PTGIR: variants seen among roughly 807,000 people sequenced by gnomAD.
PTGIR encodes the protein prostacyclin receptor.
In PTGIR, 16 loss-of-function variants were observed where a neutral mutation model predicts 17.6. The observed-to-expected ratio is 0.91, with a 90% CI of 0.61 to 1.38. The LOEUF (loss-of-function observed/expected upper bound fraction) is 1.38. Ranked by LOEUF, PTGIR falls within the 40% of genes most tolerant of loss-of-function variation. PTGIR has a pLI of 0.00. For missense variants in PTGIR, 532 were observed against 548.6 expected, an observed-to-expected ratio of 0.97 and a Z score of 0.30; for synonymous variants, 274 against 255.4, an observed-to-expected ratio of 1.07 and a Z score of -0.69.
chr19:46,611,074 G>C, the PTGIR span, among the ~76,000 whole-genome samples: 1 of 152,212 alleles, frequency 6.6e-6, no homozygotes, highest in African/African-American at 2.4e-5. Flanking sequence ...TCATGCCATG[G>C]GAGCACACAG....
the PTGIR span, among the ~76,000 whole-genome samples, chr19:46,611,736 C>G: frequency 1.3e-5 from 2 of 152,184 alleles, no homozygotes; most frequent in Admixed American, 1.3e-4. Context: ...GCAAGACCCT[C>G]CCATTCCAGT....
rs201265274 is a variant in PTGIR, at chr19:46,623,901, T to A, written c.325A>T (p.Ile109Phe). The A allele has an allele frequency of 5.6e-6, 9 of 1,609,734 alleles. 1 individual carries two copies. In the South Asian group the frequency reaches 8.8e-5, roughly 16 times the overall value. Residue 109 changes from isoleucine (I) to phenylalanine (F), a missense_variant, in exon 2 of 3, where the codon ATC becomes TTC. Transcript: ENST00000291294. ...CGCTCCACGGCCATGGCAAAGAGGA[T>A]GAGCATGGACGCCAGGCCGAAGAAG... ...MTFFGLASML[I>F]LFAMAVERCL...
chr19:46,613,410 C>T, the PTGIR span, among the ~76,000 whole-genome samples: 1 of 143,376 alleles, frequency 7.0e-6, no homozygotes, highest in African/African-American at 2.6e-5. Context: ...CATCTCGGCT[C>T]ACTGCAACTT....
chr19:46,624,190 C>CCG lies in PTGIR; in HGVS notation c.34_35dup (p.Ser14AlafsTer10). 1 of 1,476,110 alleles carries CCG rather than the reference C, an allele frequency of 6.8e-7. No homozygotes were observed. The highest frequency in any genetic ancestry group is 8.9e-7 in the Non-Finnish European group (1 of 1,120,834). 91.4% of individuals were successfully genotyped at this position (1,476,110 alleles called of 1,614,324 possible). ...TGCTGGTGGCCGGCCCCACCGAGCCCCGCACGTAGGTGAGGTTCCTGCACG... is the reference window on the plus strand; with the variant it reads ...TGCTGGTGGCCGGCCCCACCGAGCCCCGCGCACGTAGGTGAGGTTCCTGCACG... On this transcript the variant is annotated frameshift_variant, in exon 2 of 3. Coordinates refer to ENST00000291294, the MANE Select transcript of PTGIR (RefSeq NM_000960.4). LOFTEE classifies it high-confidence loss of function.
At chr19:46,620,021 A>G (rs901499652), downstream of PTGIR, among the ~76,000 whole-genome samples, 7 of 152,184 alleles carry the variant, frequency 4.6e-5, no homozygotes, top group Admixed American at 4.6e-4. Flanking sequence ...GCTGGAAATC[A>G]CCCCGGCAGG....
chr19:46,619,541 GAA>G (rs1323019623), downstream of PTGIR, among the ~76,000 whole-genome samples: 46 of 59,030 alleles, frequency 7.8e-4, no homozygotes, highest in South Asian at 1.3e-3. Flanking sequence ...AAGAAAGAAA[GAA>G]AGAAAGAGAG....
Position 46,620,639 on chromosome 19 carries a change from T to A in PTGIR, c.*641A>T. 1 of 985,426 alleles carries A rather than the reference T, an allele frequency of 1.0e-6. No individual in the cohort carries two copies. The highest frequency in any genetic ancestry group is 1.2e-6 in the Non-Finnish European group (1 of 829,850). 61.0% of individuals were successfully genotyped at this position (985,426 alleles called of 1,614,324 possible). A position where few individuals can be genotyped will look rare whatever the true frequency, so the allele number is the denominator to read the frequency against. ...CCCCCAGTTCTCATCTTGCAGCCAG[T>A]CAAGCTAGGTGGAATGTCTCAGGCC... is the stretch of plus-strand genomic sequence containing the variant. On this transcript the variant is annotated 3_prime_UTR_variant, in exon 3 of 3. Coordinates refer to ENST00000291294, the MANE Select transcript of PTGIR (RefSeq NM_000960.4).
Position 46,621,072 on chromosome 19 carries a change from T to G in PTGIR, c.*208A>C. ...CTGGTTATTTTGAGAGAACCATTCT[T>G]TCTGCACTCCAGGATAAACGTTTCC... On this transcript the variant is annotated 3_prime_UTR_variant, in exon 3 of 3. Coordinates refer to ENST00000291294, the MANE Select transcript of PTGIR (RefSeq NM_000960.4). The surrounding 1 kb of genome is among the most constrained non-coding windows in gnomAD (Gnocchi z 4.8). 8.0e-7 allele frequency: 1 copy of G among 1,255,578 alleles called. No homozygotes were observed. Among genetic ancestry groups the G allele is most frequent in the Non-Finnish European group, 1.0e-6 (1 of 1,001,344 alleles). The allele number at this position is 1,255,578 out of a possible 1,614,324, so 77.8% of individuals were successfully genotyped here.
In PTGIR at chr19:46,621,905, C is replaced by A; in HGVS notation, c.769-233G>T. Reference sequence around the variant, plus strand: ...GGATGGGGGCCAGGTATGTGGGTCCCCCCACCCTTGGAAGCTGGGAGGACC... The same window carrying A: ...GGATGGGGGCCAGGTATGTGGGTCCACCCACCCTTGGAAGCTGGGAGGACC... On this transcript the variant is annotated intron_variant, in intron 2 of 2. Transcript: ENST00000291294. The surrounding 1 kb of genome is among the most constrained non-coding windows in gnomAD (Gnocchi z 4.8). The A allele has an allele frequency of 7.6e-7, 1 of 1,318,588 alleles. No homozygotes were observed. Among genetic ancestry groups the A allele is most frequent in the Non-Finnish European group, 9.7e-7 (1 of 1,036,158 alleles). 81.7% of individuals were successfully genotyped at this position (1,318,588 alleles called of 1,614,324 possible).
At chr19:46,614,753 G>A in the PTGIR span, among the ~76,000 whole-genome samples, 1 of 152,060 alleles carries the variant, frequency 6.6e-6, no homozygotes, top group African/African-American at 2.4e-5. Flanking sequence ...GGGAGCGGTG[G>A]CTCACGCTTC....
At chr19:46,613,113 G>A in the PTGIR span, among the ~76,000 whole-genome samples, 3 of 126,568 alleles carry the variant, frequency 2.4e-5, no homozygotes, top group Admixed American at 2.1e-4. Context: ...GCATGATCTC[G>A]GTTCACTGCA....
At chr19:46,619,140 C>T (rs561469960), downstream of PTGIR, among the ~76,000 whole-genome samples, 11 of 152,232 alleles carry the variant, frequency 7.2e-5, no homozygotes, top group East Asian at 9.7e-4. Flanking sequence ...CACGCCCACT[C>T]GCTGTGTGAG....
At chr19:46,615,739 C>T (rs571391458), downstream of PTGIR, among the ~76,000 whole-genome samples, 98 of 152,008 alleles carry the variant, frequency 6.4e-4, no homozygotes, top group Admixed American at 3.3e-3. Context: ...ATCTCCTGAC[C>T]TCATGATCCA....
At chr19:46,619,572 AGAGAGAG>A (rs1568675632), downstream of PTGIR, among the ~76,000 whole-genome samples, 77 of 139,960 alleles carry the variant, frequency 5.5e-4, no homozygotes, top group African/African-American at 1.2e-3. Context: ...AGAGAGAGAG[AGAGAGAG>A]AGAGAAAGAA....
the PTGIR span, among the ~76,000 whole-genome samples, chr19:46,613,076 T>C: frequency 1.5e-4 from 20 of 136,856 alleles, 1 homozygote; most frequent in African/African-American, 5.4e-4. Context: ...GGAGTCTCAC[T>C]CTTGTCTCCC....
the PTGIR span, among the ~76,000 whole-genome samples, chr19:46,615,422 C>T: frequency 6.6e-6 from 1 of 152,110 alleles, no homozygotes; most frequent in Admixed American, 6.5e-5. Flanking sequence ...CCTAGGATAC[C>T]GAGGGATGAC....
At position 46,624,147 on chromosome 19, in the gene PTGIR, C is replaced by T. The variant is rs75149836; in HGVS notation, c.79G>A (p.Gly27Ser). The T allele has an allele frequency of 1.2e-5, 18 of 1,526,296 alleles. No individual in the cohort carries two copies. The East Asian group carries it at 1.5e-4, about 13-fold the overall frequency. The allele number at this position is 1,526,296 out of a possible 1,614,324, so 94.5% of individuals were successfully genotyped here. Residue 27 changes from glycine to serine, a missense_variant, in exon 2 of 3, where the codon GGT becomes AGT. Gly to Ser is a moderately conservative substitution (Grantham distance 56). Transcript: ENST00000291294. ...PATSTLMFVA[G>S]VVGNGLALGI... ...AGGGCCAGCCCGTTGCCCACCACAC[C>T]GGCCACGAACATCAGGGTGCTGGTG...
At position 46,624,233 on chromosome 19, in the gene PTGIR, C is replaced by G; in HGVS notation, c.-8G>C. ...CCTGCACGAATCCGCCATCCCAGGT[C>G]TGGGCTGGAGGGTTCCCAAGGTGGG... On this transcript the variant is annotated 5_prime_UTR_variant, in exon 2 of 3. Transcript: ENST00000291294. 4 of 1,439,632 alleles carry G rather than the reference C, an allele frequency of 2.8e-6. No homozygotes were observed. The highest frequency in any genetic ancestry group is 3.6e-6 in the Non-Finnish European group (4 of 1,101,782). 89.2% of individuals were successfully genotyped at this position (1,439,632 alleles called of 1,614,324 possible).
At chr19:46,622,032 G>T (rs748095082) in intron 2 of PTGIR, 25 of 985,416 alleles carry the variant, frequency 2.5e-5, no homozygotes, top group Middle Eastern at 1.0e-3. Context: ...GTGCCTGTGT[G>T]TATCTGTCCA....
Sources: allele counts gnomAD v4.1 joint callset (sites outside exome capture counted in the v4.1 genomes callset), GRCh38; gene constraint gnomAD v4.1.1; non-coding constraint Gnocchi (gnomAD v3.1); transcripts MANE v1.5; gene names NCBI Gene and HGNC (gene_info 2026-07-23, HGNC 2026-07-21).